Variants in MYRIP observed in about 807,000 individuals in gnomAD.
The protein encoded by MYRIP is rab effector MyRIP.
Under a neutral mutation model 98.0 loss-of-function variants are expected in MYRIP, and 49 were observed. The observed-to-expected ratio is 0.50, with a 90% CI of 0.40 to 0.63. The LOEUF (loss-of-function observed/expected upper bound fraction) is 0.63, where lower values mean the gene tolerates loss of function less well. MYRIP is among the 30% of genes least tolerant of loss of function. MYRIP has a pLI of 0.00. For missense variants in MYRIP, 1,004 were observed against 1,058.2 expected (o/e 0.95, Z 0.71); for synonymous variants, 404 against 409.5 (o/e 0.99, Z 0.16).
In MYRIP at chr3:40,209,931, G is replaced by A. The variant is rs781112493; in HGVS notation, c.1743G>A (p.Glu581=). ...AGACTCTCACAGACACCACAGAGGA[G>A]AAACGGAGAAACAGGCTGTACGAGT... The part of the protein sequence containing the change: ...DPQTLTDTTE[E]KRRNRLYELA... Residue 581 remains glutamate, a synonymous_variant, in exon 11 of 17, where the codon GAG becomes GAA. Transcript: ENST00000302541. The A allele has an allele frequency of 1.2e-6, 2 of 1,613,934 alleles. No homozygotes were observed. The highest frequency in any genetic ancestry group is 1.7e-6 in the Non-Finnish European group (2 of 1,179,838).
chr3:39,992,080 G>A lies in MYRIP; in HGVS notation c.111-51970G>A, dbSNP rs556396801. Among the ~76,000 whole-genome samples, 103 of 152,248 alleles carry A rather than the reference G, an allele frequency of 6.8e-4. 1 individual carries two copies. The highest frequency in any genetic ancestry group is 2.4e-3 in the African/African-American group (99 of 41,540). On this transcript the variant is annotated intron_variant, in intron 2 of 16. Transcript: ENST00000302541. ...ATTTTCTCTGCTCCATGAAAGACCA[G>A]ACCACTGCTGCCTTAACATTGCGTG...
chr3:40,176,388 A>G (rs1194939222), intron 8 of MYRIP, among the ~76,000 whole-genome samples: 1 of 152,208 alleles, frequency 6.6e-6, no homozygotes, highest in African/African-American at 2.4e-5. Context: ...TCATCCATCA[A>G]GTTGTATTTG....
intron 1 of MYRIP, among the ~76,000 whole-genome samples, chr3:39,886,086 C>T (rs1028420379): frequency 1.3e-5 from 2 of 151,950 alleles, no homozygotes; most frequent in Non-Finnish European, 2.9e-5. Context: ...TCCAGCCAAA[C>T]TAAGCTTCAT....
intron 2 of MYRIP, among the ~76,000 whole-genome samples, chr3:39,954,793 G>A (rs940147647): frequency 3.3e-5 from 5 of 152,090 alleles, no homozygotes; most frequent in African/African-American, 9.7e-5. Context: ...TTAGACAAAT[G>A]GCTAACTAGA....
chr3:39,953,469 C>T (rs1366264865), intron 2 of MYRIP, among the ~76,000 whole-genome samples: 1 of 152,106 alleles, frequency 6.6e-6, no homozygotes, highest in African/African-American at 2.4e-5. Flanking sequence ...CATTGTTAGG[C>T]AACTTATGGA....
chr3:39,949,619 G>A (rs1354287113), intron 2 of MYRIP, among the ~76,000 whole-genome samples: 1 of 150,968 alleles, frequency 6.6e-6, no homozygotes, highest in Non-Finnish European at 1.5e-5. Context: ...TTCATAAACT[G>A]TCTTTCCAAA....
intron 2 of MYRIP, among the ~76,000 whole-genome samples, chr3:39,986,751 C>G (rs926192293): frequency 7.2e-5 from 11 of 152,136 alleles, no homozygotes; most frequent in Non-Finnish European, 1.6e-4. Flanking sequence ...TGGATTCCTG[C>G]AGACATGACT....
At chr3:39,939,416 T>C (rs1944729483) in intron 2 of MYRIP, among the ~76,000 whole-genome samples, 1 of 152,104 alleles carries the variant, frequency 6.6e-6, no homozygotes, top group South Asian at 2.1e-4. Context: ...AAAAAGTCCA[T>C]GCAGTTAAAA....
At chr3:39,970,342 T>G (rs1945550651) in intron 2 of MYRIP, 1 of 152,146 alleles carries the variant, frequency 6.6e-6, no homozygotes, top group Non-Finnish European at 1.5e-5. Flanking sequence ...ACAACTGCTG[T>G]TACCTCAACT....
intron 7 of MYRIP, among the ~76,000 whole-genome samples, chr3:40,168,790 C>T (rs763863953): frequency 2.6e-5 from 4 of 152,186 alleles, no homozygotes; most frequent in Non-Finnish European, 4.4e-5. Flanking sequence ...ATCTCATTGG[C>T]CAGAGCAAGT....
At chr3:40,204,348 A>G (rs1429896905) in intron 10 of MYRIP, among the ~76,000 whole-genome samples, 3 of 145,868 alleles carry the variant, frequency 2.1e-5, no homozygotes, top group Non-Finnish European at 4.5e-5. Context: ...CATCCAGCTA[A>G]TTTTTGTATT....
At chr3:40,186,671 A>G (rs954161188) in intron 9 of MYRIP, among the ~76,000 whole-genome samples, 9 of 152,342 alleles carry the variant, frequency 5.9e-5, no homozygotes, top group South Asian at 2.1e-4. Flanking sequence ...GCAAGCCTCA[A>G]GTAAAGACTT....
At chr3:40,230,021 G>A (rs1952605110) in intron 11 of MYRIP, among the ~76,000 whole-genome samples, 1 of 152,168 alleles carries the variant, frequency 6.6e-6, no homozygotes, top group South Asian at 2.1e-4. Flanking sequence ...TCACTAGAAG[G>A]TTGTGTTACA....
chr3:39,836,425 C>A (rs1307872004), intron 1 of MYRIP, among the ~76,000 whole-genome samples: 2 of 152,170 alleles, frequency 1.3e-5, no homozygotes, highest in African/African-American at 2.4e-5. Context: ...CCTTTGCCCA[C>A]TTTTGGATGG....
At chr3:40,227,596 GAAAC>G (rs1160555851) in intron 11 of MYRIP, among the ~76,000 whole-genome samples, 1 of 152,084 alleles carries the variant, frequency 6.6e-6, no homozygotes, top group Non-Finnish European at 1.5e-5. Context: ...GAAAAAACAA[GAAAC>G]AAAGAGCAGC....
intron 2 of MYRIP, among the ~76,000 whole-genome samples, chr3:39,906,810 A>G (rs1003202317): frequency 6.6e-6 from 1 of 152,164 alleles, no homozygotes; most frequent in African/African-American, 2.4e-5. Context: ...CAGCTTTTGG[A>G]CAAGCATGTT....
At chr3:39,927,471 A>G (rs988567835) in intron 2 of MYRIP, among the ~76,000 whole-genome samples, 7 of 151,930 alleles carry the variant, frequency 4.6e-5, no homozygotes, top group Admixed American at 4.6e-4. Flanking sequence ...CTGGAAATGT[A>G]CAACCTCCCA....
intron 1 of MYRIP, among the ~76,000 whole-genome samples, chr3:39,867,812 A>G (rs544019989): frequency 6.6e-6 from 1 of 152,346 alleles, no homozygotes; most frequent in East Asian, 1.9e-4. Context: ...TATCCAAAAG[A>G]AACAACATCA....
Position 40,258,242 on chromosome 3 carries a change from G to A in MYRIP, c.*76G>A. On this transcript the variant is annotated 3_prime_UTR_variant, in exon 17 of 17. Coordinates refer to ENST00000302541, the MANE Select transcript of MYRIP (RefSeq NM_015460.4). The stretch of plus-strand genomic sequence containing the variant: ...AGTGCCTTGACCCAACAGCCATCGA[G>A]TACTGTATGTATTTCCACCTGAGGA... 4 of 1,550,522 alleles carry A rather than the reference G, an allele frequency of 2.6e-6. No individual in the cohort carries two copies. The highest frequency in any genetic ancestry group is 3.6e-6 in the Non-Finnish European group (4 of 1,122,724).
Sources: allele counts gnomAD v4.1 joint callset (sites outside exome capture counted in the v4.1 genomes callset), GRCh38; gene constraint gnomAD v4.1.1; transcripts MANE v1.5; gene names NCBI Gene and HGNC (gene_info 2026-07-23, HGNC 2026-07-21).